The following RBPMS variants were observed in gnomAD, a reference collection of about 807,000 sequenced individuals.
RBPMS encodes RNA binding protein, mRNA processing factor, also known as RNA-binding protein with multiple splicing.
RBPMS carries 7 observed loss-of-function variants against 26.8 expected under a neutral mutation model. The ratio of observed to expected loss-of-function variants is 0.26; its 90% confidence interval spans 0.15 to 0.49. The LOEUF is 0.49. RBPMS is among the 20% of genes least tolerant of loss of function. The pLI is 0.98. For missense variants in RBPMS, 186 were observed against 250.0 expected (o/e 0.74, Z 1.73); for synonymous variants, 96 against 93.3 (o/e 1.03, Z -0.17).
chr8:30,446,834 TGTGTGTGTGCGC>T (rs56034794), intron 1 of RBPMS: 1,083 of 101,978 alleles, frequency 0.011, 20 homozygotes, highest in East Asian at 0.031. Flanking sequence ...TGTGTGTGTG[TGTGTGTGTGCGC>T]GCGCGCGCGC....
intron 1 of RBPMS, among the ~76,000 whole-genome samples, chr8:30,451,381 G>A (rs574846527): frequency 6.6e-6 from 1 of 152,332 alleles, no homozygotes; most frequent in East Asian, 1.9e-4. Context: ...TACTCATGGG[G>A]CTTTGTTGTT....
chr8:30,562,505 T>C (rs1328355479), intron 7 of RBPMS, among the ~76,000 whole-genome samples: 1 of 152,106 alleles, frequency 6.6e-6, no homozygotes, highest in Admixed American at 6.5e-5. Flanking sequence ...TCCCAGCCCA[T>C]CTAAAGTTAG....
chr8:30,416,442 A>G (rs1810085417), intron 1 of RBPMS, among the ~76,000 whole-genome samples: 1 of 148,628 alleles, frequency 6.7e-6, no homozygotes, highest in South Asian at 2.2e-4. Context: ...AGCCATTATT[A>G]TGTCTCAGCC....
chr8:30,474,188 T>G (rs1342367346), intron 1 of RBPMS, among the ~76,000 whole-genome samples: 1 of 152,222 alleles, frequency 6.6e-6, no homozygotes, highest in African/African-American at 2.4e-5. Context: ...TAATGCATTT[T>G]GGTTACTATT....
intron 5 of RBPMS, among the ~76,000 whole-genome samples, chr8:30,520,709 G>A (rs1002349590): frequency 6.6e-6 from 1 of 152,158 alleles, no homozygotes; most frequent in Non-Finnish European, 1.5e-5. Context: ...GGTTGAGGTA[G>A]GAAGATCCCT....
At chr8:30,559,478 G>C (rs1474037926) in intron 7 of RBPMS, among the ~76,000 whole-genome samples, 2 of 152,238 alleles carry the variant, frequency 1.3e-5, no homozygotes, top group Non-Finnish European at 2.9e-5. Flanking sequence ...TTTTCATCAT[G>C]AAGGAAGCAC....
chr8:30,473,929 CT>C (rs1817412206), intron 1 of RBPMS, among the ~76,000 whole-genome samples: 2 of 152,002 alleles, frequency 1.3e-5, no homozygotes, highest in African/African-American at 2.4e-5. Context: ...ACACATTGGG[CT>C]TGTCGGGGGC....
chr8:30,449,520 G>A (rs1345412228), intron 1 of RBPMS, among the ~76,000 whole-genome samples: 2 of 151,954 alleles, frequency 1.3e-5, no homozygotes, highest in African/African-American at 2.4e-5. Context: ...ATAGGCACCC[G>A]CCACCATGCC....
chr8:30,532,543 T>G (rs1824339417), intron 5 of RBPMS, among the ~76,000 whole-genome samples: 1 of 152,204 alleles, frequency 6.6e-6, no homozygotes, highest in Non-Finnish European at 1.5e-5. Flanking sequence ...AGGTAAGTTA[T>G]CCAATGTTGC....
At chr8:30,537,445 A>T in intron 5 of RBPMS, 5 of 387,708 alleles carry the variant, frequency 1.3e-5, no homozygotes, top group Non-Finnish European at 2.6e-5. Context: ...TCAGAGAAAT[A>T]GTGGAGTGGG....
chr8:30,469,534 C>T (rs184408621), intron 1 of RBPMS, among the ~76,000 whole-genome samples: 1 of 152,354 alleles, frequency 6.6e-6, no homozygotes, highest in East Asian at 1.9e-4. Context: ...GTTGAAGGTA[C>T]ATCTACAAAT....
chr8:30,411,034 T>C (rs930929950), intron 1 of RBPMS, among the ~76,000 whole-genome samples: 2 of 152,146 alleles, frequency 1.3e-5, no homozygotes, highest in Non-Finnish European at 2.9e-5. Flanking sequence ...CCACTGTGCC[T>C]GGCCGTGAAA....
At chr8:30,412,357 C>T (rs1360439919) in intron 1 of RBPMS, among the ~76,000 whole-genome samples, 2 of 152,148 alleles carry the variant, frequency 1.3e-5, no homozygotes, top group Non-Finnish European at 2.9e-5. Context: ...TTGTGGGGAA[C>T]AGGGCCAGCC....
At chr8:30,538,330 C>A (rs1001203864) in intron 5 of RBPMS, among the ~76,000 whole-genome samples, 1 of 152,092 alleles carries the variant, frequency 6.6e-6, no homozygotes, top group Non-Finnish European at 1.5e-5. Context: ...TCTTGGCACA[C>A]TGCAGCCTCT....
chr8:30,478,360 A>G (rs1023572949), intron 3 of RBPMS, among the ~76,000 whole-genome samples: 3 of 152,124 alleles, frequency 2.0e-5, no homozygotes, highest in Non-Finnish European at 2.9e-5. Context: ...CACTTGGCAT[A>G]CACACCTCTC....
intron 7 of RBPMS, chr8:30,564,638 T>C (rs1317711097): frequency 2.0e-5 from 3 of 152,312 alleles, no homozygotes; most frequent in Non-Finnish European, 4.4e-5. Context: ...CATTGTGTTT[T>C]CTGTGGATCT....
At chr8:30,521,384 T>C (rs1021873630) in intron 5 of RBPMS, among the ~76,000 whole-genome samples, 1 of 152,222 alleles carries the variant, frequency 6.6e-6, no homozygotes, top group Admixed American at 6.5e-5. Context: ...TTTGGGTTTA[T>C]TGACGTTTTC....
chr8:30,427,419 C>A (rs1031784229), intron 1 of RBPMS, among the ~76,000 whole-genome samples: 1 of 152,220 alleles, frequency 6.6e-6, no homozygotes, highest in Non-Finnish European at 1.5e-5. Context: ...TCACCTCACA[C>A]TGAGTTCACT....
chr8:30,482,165 A>G lies in RBPMS; in HGVS notation c.246+2788A>G, dbSNP rs1384187777. 1.6e-4 allele frequency among the ~76,000 whole-genome samples: 25 copies of G among 152,228 alleles called. 1 individual carries two copies. Among genetic ancestry groups the G allele is most frequent in the Admixed American group, 1.6e-3 (25 of 15,280 alleles). ...ATAGGTATATTCTTTGTGATCCAAC[A>G]TATTAGGCTCTTTTTAGGGTCATCT... is the stretch of plus-strand genomic sequence containing the variant. On this transcript the variant is annotated intron_variant, in intron 4 of 8. Transcript: ENST00000397323.
Sources: allele counts gnomAD v4.1 joint callset (sites outside exome capture counted in the v4.1 genomes callset), GRCh38; gene constraint gnomAD v4.1.1; transcripts MANE v1.5; gene names NCBI Gene and HGNC (gene_info 2026-07-23, HGNC 2026-07-21).